The following ASPM variants were observed in gnomAD, a reference collection of about 807,000 sequenced individuals.
ASPM encodes the protein assembly factor for spindle microtubules, also known as abnormal spindle-like microcephaly-associated protein.
Under a neutral mutation model 366.4 loss-of-function variants are expected in ASPM, and 256 were observed. That is an observed-to-expected ratio of 0.70 (90% CI 0.63 to 0.77). The LOEUF is 0.77. ASPM is among the 30% of genes least tolerant of loss of function. The pLI is 0.00. For missense variants in ASPM, 4,146 were observed against 4,090.4 expected (o/e 1.01, Z -0.37); for synonymous variants, 1,414 against 1,342.9 (o/e 1.05, Z -1.16).
chr1:197,098,153 G>C (rs1393449313), intron 18 of ASPM, among the ~76,000 whole-genome samples: 1 of 150,098 alleles, frequency 6.7e-6, no homozygotes, highest in Non-Finnish European at 1.5e-5. Flanking sequence ...AAGAAACAAA[G>C]TGTGCTTAAA....
chr1:197,111,990 A>G (rs1657600622), intron 17 of ASPM, among the ~76,000 whole-genome samples: 1 of 152,184 alleles, frequency 6.6e-6, no homozygotes, highest in African/African-American at 2.4e-5. Flanking sequence ...ATACCATTCA[A>G]CCCAGCAATC....
At chr1:197,129,789 C>G in intron 8 of ASPM, 126 bp downstream of exon 8, 2 of 1,095,164 alleles carry the variant, frequency 1.8e-6, no homozygotes, top group African/African-American at 1.6e-5. Flanking sequence ...AGGGAGAGTA[C>G]TAGAAGCAGA....
intron 16 of ASPM, among the ~76,000 whole-genome samples, chr1:197,121,586 G>A (rs939615702): frequency 6.6e-6 from 1 of 152,116 alleles, no homozygotes; most frequent in Non-Finnish European, 1.5e-5. Flanking sequence ...CCAGAGGCAG[G>A]TTAGATTCCA....
chr1:197,092,749 C>T (rs893856318), intron 21 of ASPM, among the ~76,000 whole-genome samples: 2 of 151,894 alleles, frequency 1.3e-5, no homozygotes, highest in African/African-American at 4.8e-5. Context: ...CATTTAACCT[C>T]TTTCACATAT....
Position 197,122,580 on chromosome 1 carries a change from C to G in ASPM, c.3406G>C (p.Val1136Leu). ...AACACACGGCCGTCTGAGAAAGACA[C>G]TGTAAAATTCTCCACCTGATTGAAA... is the stretch of plus-strand genomic sequence containing the variant. ...FYNKKVENFT[V>L]SFSDGRVLCY... Residue 1136 changes from valine to leucine, a missense_variant, in exon 14 of 28, where the codon GTG (valine) becomes CTG (leucine). This residue lies in a region of ASPM where 3,624 missense variants were observed against 3,591.7 expected (regional missense o/e 1.01). Coordinates refer to ENST00000367409, the MANE Select transcript of ASPM (RefSeq NM_018136.5). 6.2e-7 allele frequency: 1 copy of G among 1,606,760 alleles called. No homozygotes were observed. Among genetic ancestry groups the G allele is most frequent in the South Asian group, 1.1e-5 (1 of 90,008 alleles).
intron 16 of ASPM, among the ~76,000 whole-genome samples, chr1:197,119,691 C>A (rs76705976): frequency 6.6e-6 from 1 of 151,728 alleles, no homozygotes; most frequent in Non-Finnish European, 1.5e-5. Context: ...TTTTATCTTG[C>A]CTCATATATA....
At chr1:197,125,373 T>C (rs1658060576) in intron 10 of ASPM, among the ~76,000 whole-genome samples, 182 bp from the exon 11 acceptor site, 2 of 152,182 alleles carry the variant, frequency 1.3e-5, no homozygotes, top group African/African-American at 4.8e-5. Flanking sequence ...GTTCTTATTT[T>C]AAGTTTGGGA....
chr1:197,088,631 T>A (rs1167579044), intron 25 of ASPM, among the ~76,000 whole-genome samples, 199 bp from the exon 26 acceptor site: 1 of 152,110 alleles, frequency 6.6e-6, no homozygotes, highest in Non-Finnish European at 1.5e-5. Flanking sequence ...GTATTCACAT[T>A]TTAATCTTAA....
rs1472102884 is a variant in ASPM, at chr1:197,139,843, A to G, written c.1950T>C (p.Ser650=). ...TDLSIFRTPI[S]KTNKRTKPII... is the part of the protein sequence containing the mutation. ...TGGGTTTTGTCCTTTTGTTTGTTTTAGAAATTGGAGTTCTGAATATTGATA... is the reference window on the plus strand; with the variant it reads ...TGGGTTTTGTCCTTTTGTTTGTTTTGGAAATTGGAGTTCTGAATATTGATA... The change falls in exon 4 of 28, where the codon TCT becomes TCC. Residue 650 remains serine, a synonymous_variant. Coordinates refer to ENST00000367409, the MANE Select transcript of ASPM (RefSeq NM_018136.5). 1 of 1,609,092 alleles carries G rather than the reference A, an allele frequency of 6.2e-7. No homozygotes were observed. Among genetic ancestry groups the G allele is most frequent in the African/African-American group, 1.3e-5 (1 of 74,822 alleles).
intron 17 of ASPM, among the ~76,000 whole-genome samples, chr1:197,113,395 T>C (rs1341609997): frequency 1.3e-5 from 2 of 152,084 alleles, no homozygotes; most frequent in African/African-American, 4.8e-5. Flanking sequence ...GAATATATAA[T>C]GTATACTGAA....
At chr1:197,114,580 T>C (rs914218950) in intron 17 of ASPM, among the ~76,000 whole-genome samples, 1 of 151,554 alleles carries the variant, frequency 6.6e-6, no homozygotes, top group Non-Finnish European at 1.5e-5. Flanking sequence ...AAAAAGTACA[T>C]TTTTTTTTAA....
In ASPM at chr1:197,102,141, T is replaced by G. The variant is rs1398441515; in HGVS notation, c.7110A>C (p.Ala2370=). 1 of 1,612,972 alleles carries G rather than the reference T, an allele frequency of 6.2e-7. No individual in the cohort carries two copies. The highest frequency in any genetic ancestry group is 2.2e-5 in the East Asian group (1 of 44,834). The change falls in exon 18 of 28, where the codon GCA becomes GCC. Residue 2370 remains alanine, a synonymous_variant. Coordinates refer to ENST00000367409, the MANE Select transcript of ASPM (RefSeq NM_018136.5). The stretch of plus-strand genomic sequence containing the variant: ...GCCTCTGCAGTTTTGCAGCTCTATT[T>G]GCTTGGTATTGCTGTTGGATCACAA... ...ASVVIQQQYQ[A]NRAAKLQRQH... is the part of the protein sequence containing the mutation.
chr1:197,091,945 T>G lies in ASPM; in HGVS notation c.9406A>C (p.Asn3136His), dbSNP rs1656798518. The G allele has an allele frequency of 6.2e-7, 1 of 1,611,154 alleles. No individual in the cohort carries two copies. The highest frequency in any genetic ancestry group is 8.5e-7 in the Non-Finnish European group (1 of 1,178,782). The change falls in exon 22 of 28, where the codon AAT becomes CAT. Residue 3136 changes from asparagine to histidine, a missense_variant. Coordinates refer to ENST00000367409, the MANE Select transcript of ASPM (RefSeq NM_018136.5). ...RAYKLYLAVK[N>H]ANKQVNSVIC... ...ACTGAATTAACCTGCTTGTTAGCAT[T>G]CTTCACAGCCAGGTAAAGTTTATAG... is the stretch of plus-strand genomic sequence containing the variant.
In ASPM at chr1:197,132,311, G is replaced by T; in HGVS notation, c.2461C>A (p.Pro821Thr). 1 of 1,613,094 alleles carries T rather than the reference G, an allele frequency of 6.2e-7. No individual in the cohort carries two copies. Reference protein sequence around the residue: ...KVLNWLLSYNPLWLRIGLETT... With the variant: ...KVLNWLLSYNTLWLRIGLETT... ...TCTAGACCAATTCGAAGCCACAAAGGATTGTAGGACAACAGCCAATTCAGG... is the reference window on the plus strand; with the variant it reads ...TCTAGACCAATTCGAAGCCACAAAGTATTGTAGGACAACAGCCAATTCAGG... The change falls in exon 7 of 28, where the codon CCT (proline) becomes ACT (threonine). Residue 821 changes from proline to threonine, a missense_variant. Around this residue, in one of 3 missense-constraint regions of ASPM, gnomAD observed 3,624 missense variants for 3,591.7 expected, o/e 1.01. Transcript: ENST00000367409.
At chr1:197,136,322 C>G (rs566556719) in intron 4 of ASPM, among the ~76,000 whole-genome samples, 2 of 152,024 alleles carry the variant, frequency 1.3e-5, no homozygotes, top group African/African-American at 4.8e-5. Flanking sequence ...ATATAAAGCT[C>G]TCTGGTAAAG....
At chr1:197,131,682 C>A (rs1658258963) in intron 7 of ASPM, among the ~76,000 whole-genome samples, 1 of 152,000 alleles carries the variant, frequency 6.6e-6, no homozygotes, top group Non-Finnish European at 1.5e-5. Context: ...CCTCAGCCTC[C>A]CAAGTAGCTG....
intron 1 of ASPM, among the ~76,000 whole-genome samples, 162 bp from the exon 2 acceptor site, chr1:197,144,262 T>C (rs1375717778): frequency 6.6e-6 from 1 of 152,084 alleles, no homozygotes; most frequent in Non-Finnish European, 1.5e-5. Flanking sequence ...CCCTATCTGC[T>C]TAATTATAAG....
chr1:197,084,412 C>A lies in ASPM; in HGVS notation c.10346G>T (p.Trp3449Leu), dbSNP rs1375813973. Residue 3449 changes from tryptophan (W) to leucine (L), a missense_variant, in exon 28 of 28, where the codon TGG becomes TTG. Around this residue, in one of 3 missense-constraint regions of ASPM, gnomAD observed 3,624 missense variants for 3,591.7 expected, o/e 1.01. Transcript: ENST00000367409. Reference sequence around the variant, plus strand: ...TTCCATGTTATCTCTTCTCAAAACCCAATCTGGCTTAAGTCTGTTAAAAAA... The same window carrying A: ...TTCCATGTTATCTCTTCTCAAAACCAAATCTGGCTTAAGTCTGTTAAAAAA... ...TRIVSRLKPD[W>L]VLRRDNMEEI... 5.6e-6 allele frequency: 9 copies of A among 1,602,372 alleles called. No individual in the cohort carries two copies. Among genetic ancestry groups the A allele is most frequent in the Non-Finnish European group, 6.8e-6 (8 of 1,172,474 alleles).
intron 4 of ASPM, among the ~76,000 whole-genome samples, chr1:197,137,512 C>T (rs1658454884): frequency 6.6e-6 from 1 of 152,162 alleles, no homozygotes; most frequent in Admixed American, 6.5e-5. Context: ...TGACTCATAG[C>T]GCTCTGTCAC....
Sources: gnomAD v4.1 joint callset for allele counts (sites outside exome capture counted in the v4.1 genomes callset) on GRCh38, gnomAD v4.1.1 for gene constraint, gnomAD v4.1.1 regional missense constraint, MANE v1.5 for transcripts, NCBI Gene and HGNC (gene_info 2026-07-23, HGNC 2026-07-21) for gene names.